LRMDA: variants seen among roughly 807,000 people sequenced by gnomAD.
LRMDA encodes the protein leucine rich melanocyte differentiation associated, also known as leucine-rich melanocyte differentiation-associated protein.
LRMDA carries 18 observed loss-of-function variants against 29.8 expected under a neutral mutation model. The ratio of observed to expected loss-of-function variants is 0.60; its 90% confidence interval spans 0.42 to 0.90. The LOEUF is 0.90. Among genes scored for constraint, LRMDA ranks in the 40% least tolerant of loss-of-function variants. The pLI, the probability that LRMDA is intolerant of heterozygous loss-of-function variation, is 0.00. For missense variants in LRMDA, 273 were observed against 273.9 expected (o/e 1.00, Z 0.02); for synonymous variants, 125 against 109.4 (o/e 1.14, Z -0.89).
chr10:75,551,134 A>T (rs1478096525), intron 2 of LRMDA, among the ~76,000 whole-genome samples: 1 of 151,426 alleles, frequency 6.6e-6, no homozygotes, highest in Non-Finnish European at 1.5e-5. Flanking sequence ...ATCTATTTGC[A>T]AACTAAATAT....
intron 2 of LRMDA, among the ~76,000 whole-genome samples, chr10:75,989,639 G>A (rs1847324703): frequency 6.6e-6 from 1 of 152,204 alleles, no homozygotes; most frequent in Non-Finnish European, 1.5e-5. Context: ...ATGGGTTACA[G>A]AGTGCCTCTG....
At chr10:75,917,961 G>GCACACA (rs10552979) in intron 2 of LRMDA, among the ~76,000 whole-genome samples, 1 of 149,930 alleles carries the variant, frequency 6.7e-6, no homozygotes. Flanking sequence ...GCACATGTGC[G>GCACACA]CACACACACA....
At chr10:76,031,259 T>C (rs543769663) in intron 2 of LRMDA, among the ~76,000 whole-genome samples, 30 of 152,254 alleles carry the variant, frequency 2.0e-4, no homozygotes, top group African/African-American at 7.2e-4. Context: ...AGTATTTAAA[T>C]ATTTTAATAA....
chr10:76,378,865 T>TC (rs553636783), intron 6 of LRMDA, among the ~76,000 whole-genome samples: 31 of 145,374 alleles, frequency 2.1e-4, no homozygotes, highest in African/African-American at 6.8e-4. Context: ...TTTCTTTTTT[T>TC]TTTTTTTTTG....
chr10:76,075,231 G>T (rs1306448647), intron 5 of LRMDA, among the ~76,000 whole-genome samples: 1 of 152,194 alleles, frequency 6.6e-6, no homozygotes. Context: ...CTTTAAAGAG[G>T]TAATTTAGTT....
At chr10:76,377,545 T>G in intron 6 of LRMDA, among the ~76,000 whole-genome samples, 1 of 152,194 alleles carries the variant, frequency 6.6e-6, no homozygotes, top group East Asian at 1.9e-4. Context: ...CATCTTGAGT[T>G]AATTTTTGTA....
chr10:76,133,338 C>CT (rs1433181856), intron 5 of LRMDA, among the ~76,000 whole-genome samples: 4 of 152,014 alleles, frequency 2.6e-5, no homozygotes, highest in Non-Finnish European at 4.4e-5. Context: ...CAGGTAGCAC[C>CT]TGCCAACCTG....
chr10:75,474,393 G>A (rs1474620689), intron 2 of LRMDA, among the ~76,000 whole-genome samples: 4 of 152,230 alleles, frequency 2.6e-5, no homozygotes, highest in Non-Finnish European at 5.9e-5. Context: ...GGCAGATTCA[G>A]TGTCTGGTTT....
At chr10:76,090,834 G>A (rs1268252838) in intron 5 of LRMDA, among the ~76,000 whole-genome samples, 2 of 152,172 alleles carry the variant, frequency 1.3e-5, no homozygotes, top group African/African-American at 2.4e-5. Flanking sequence ...GGGTCGTGAG[G>A]GGCTGGGAAG....
intron 6 of LRMDA, among the ~76,000 whole-genome samples, chr10:76,344,006 G>T (rs1841073010): frequency 6.6e-6 from 1 of 151,756 alleles, no homozygotes; most frequent in African/African-American, 2.4e-5. Context: ...ATTTTTAGTA[G>T]AGATGAGGTT....
chr10:76,428,290 G>T (rs575964459), intron 6 of LRMDA, among the ~76,000 whole-genome samples: 310 of 152,208 alleles, frequency 2.0e-3, no homozygotes, highest in African/African-American at 6.2e-3. Context: ...GTGATATTTT[G>T]AATGGTTCCT....
At chr10:76,464,374 C>A (rs944218260) in intron 6 of LRMDA, among the ~76,000 whole-genome samples, 1 of 152,100 alleles carries the variant, frequency 6.6e-6, no homozygotes, top group African/African-American at 2.4e-5. Flanking sequence ...GGACGAGTGG[C>A]GAGAGACTAG....
At chr10:75,735,870 G>A (rs1465408640) in intron 2 of LRMDA, among the ~76,000 whole-genome samples, 1 of 152,162 alleles carries the variant, frequency 6.6e-6, no homozygotes, top group African/African-American at 2.4e-5. Flanking sequence ...GAGACACAGA[G>A]AGTCAGACAC....
At chr10:76,445,233 C>T (rs1422669860) in intron 6 of LRMDA, among the ~76,000 whole-genome samples, 1 of 152,146 alleles carries the variant, frequency 6.6e-6, no homozygotes, top group African/African-American at 2.4e-5. Context: ...GCTGGTATCA[C>T]AACACTTGCT....
chr10:76,230,465 T>A (rs1165512099), intron 5 of LRMDA, among the ~76,000 whole-genome samples: 1 of 151,948 alleles, frequency 6.6e-6, no homozygotes, highest in African/African-American at 2.4e-5. Context: ...ATATTTATCC[T>A]TGGCTTAAAT....
At chr10:76,442,991 C>T (rs1298836002) in intron 6 of LRMDA, among the ~76,000 whole-genome samples, 2 of 152,144 alleles carry the variant, frequency 1.3e-5, no homozygotes, top group African/African-American at 4.8e-5. Flanking sequence ...TATACAAAAA[C>T]ATAATAGTGG....
intron 5 of LRMDA, among the ~76,000 whole-genome samples, chr10:76,315,754 G>C (rs937269778): frequency 6.6e-6 from 1 of 152,140 alleles, no homozygotes; most frequent in Admixed American, 6.5e-5. Flanking sequence ...TTCAAGCCAG[G>C]GATGGCTTGA....
chr10:76,510,870 G>A (rs79987272), intron 6 of LRMDA, among the ~76,000 whole-genome samples: 2,712 of 152,224 alleles, frequency 0.018, 84 homozygotes, highest in African/African-American at 0.061. Context: ...CACCTATGCA[G>A]TCTTCTTCAG....
At chr10:75,503,428 T>C (rs745625996) in intron 2 of LRMDA, among the ~76,000 whole-genome samples, 2 of 151,820 alleles carry the variant, frequency 1.3e-5, no homozygotes, top group Non-Finnish European at 2.9e-5. Flanking sequence ...CAAATGACAT[T>C]AGGCCTGTGG....
Sources: allele counts gnomAD v4.1 joint callset (sites outside exome capture counted in the v4.1 genomes callset), GRCh38; gene constraint gnomAD v4.1.1; transcripts MANE v1.5; gene names NCBI Gene and HGNC (gene_info 2026-07-23, HGNC 2026-07-21).